Variants in ITM2A observed in about 807,000 individuals in gnomAD.
The protein encoded by ITM2A is integral membrane protein 2A.
ITM2A carries 11 observed loss-of-function variants against 16.6 expected under a neutral mutation model. That is an observed-to-expected ratio of 0.66 (90% CI 0.42 to 1.10). ITM2A has a LOEUF of 1.10. Among genes scored for constraint, ITM2A ranks in the 50% least tolerant of loss-of-function variants. The pLI is 0.00. For synonymous variants in ITM2A, 102 were observed against 71.2 expected (o/e 1.43, Z -2.18); for missense variants, 243 against 206.8 (o/e 1.17, Z -1.07).
In ITM2A at chrX:79,362,670, A is replaced by G. The variant is rs1342984787; in HGVS notation, c.463T>C (p.Leu155=). 4.2e-6 allele frequency: 5 copies of G among 1,199,019 alleles called. No homozygotes were observed. In the African/African-American group the frequency reaches 8.8e-5, roughly 21 times the overall value. Reference sequence around the variant, plus strand: ...ATCAGATAGCAGTTCCCCAGCAACAAGTCCAGGTAAGCAGTCATTCCCTGT... The same window carrying G: ...ATCAGATAGCAGTTCCCCAGCAACAGGTCCAGGTAAGCAGTCATTCCCTGT... ...FEKGMTAYLD[L]LLGNCYLMPL... is the part of the protein sequence containing the mutation. Residue 155 remains leucine (L), a synonymous_variant, in exon 4 of 6, where the codon TTG becomes CTG. Transcript: ENST00000373298.
At chrX:79,364,340 C>T (rs1194391728) in intron 1 of ITM2A, among the ~76,000 whole-genome samples, 1 of 111,929 alleles carries the variant, frequency 8.9e-6, no homozygotes, top group Admixed American at 9.5e-5. Flanking sequence ...CTGGGTGAAA[C>T]ACTTGATTTT....
At position 79,363,433 on chromosome X, in the gene ITM2A, A is replaced by T; in HGVS notation, c.233T>A (p.Phe78Tyr). 8.8e-7 allele frequency: 1 copy of T among 1,138,717 alleles called. No homozygotes were observed. Among genetic ancestry groups the T allele is most frequent in the South Asian group, 2.1e-5 (1 of 47,012 alleles). 93.8% of individuals were successfully genotyped at this position (1,138,717 alleles called of 1,213,427 possible). The change falls in exon 2 of 6, where the codon TTC (phenylalanine) becomes TAC (tyrosine). Residue 78 changes from phenylalanine (F) to tyrosine (Y), a missense_variant. By Grantham distance (22) the Phe-to-Tyr change is conservative. Transcript: ENST00000373298. ...IVGGACIYKY[F>Y]MPKSTIYRGE... ...AATTATTATTATTACCTTGGGCATGAAGTACTTGTAAATGCAGGCTCCACC... is the reference window on the plus strand; with the variant it reads ...AATTATTATTATTACCTTGGGCATGTAGTACTTGTAAATGCAGGCTCCACC...
At position 79,361,384 on chromosome X, in the gene ITM2A, GTAAA is replaced by G. The variant is rs1488798918; in HGVS notation, c.644_647del (p.Ile215ThrfsTer58). ...AGGACTTTCTGTTATTGCAAAGTTG[GTAAA>G]TAAAGATGCCAAGGTTACTAACATC... On this transcript the variant is annotated frameshift_variant, in exon 5 of 6. Transcript: ENST00000373298. LOFTEE classifies it high-confidence loss of function. The G allele has an allele frequency of 8.3e-7, 1 of 1,208,688 alleles. No individual in the cohort carries two copies. The highest frequency in any genetic ancestry group is 1.1e-6 in the Non-Finnish European group (1 of 892,768).
chrX:79,362,731 G>A, intron 3 of ITM2A, 40 bp from the exon 4 acceptor site: 2 of 967,908 alleles, frequency 2.1e-6, no homozygotes, highest in Non-Finnish European at 2.9e-6. Context: ...GACACAGAAG[G>A]CATTAACATT....
chrX:79,363,150 A>C lies in ITM2A; in HGVS notation c.244-11T>G. 8.5e-7 allele frequency: 1 copy of C among 1,171,177 alleles called. No individual in the cohort carries two copies. Among genetic ancestry groups the C allele is most frequent in the East Asian group, 3.0e-5 (1 of 33,392 alleles). ...ACGGTAAATGGTGCTCTAAAAGACAAAAAGGGAAAATTACAACCTTCTAAT... is the reference window on the plus strand; with the variant it reads ...ACGGTAAATGGTGCTCTAAAAGACACAAAGGGAAAATTACAACCTTCTAAT... On this transcript the variant is annotated splice_polypyrimidine_tract_variant and intron_variant, in intron 2 of 5. Transcript: ENST00000373298.
At position 79,363,547 on chromosome X, in the gene ITM2A, C is replaced by T. The variant is rs760428897; in HGVS notation, c.119G>A (p.Arg40Gln). ...RTQILTGKEL[R>Q]VATQEKEGSS... ...GCCCTCTTTTTCCTGGGTGGCAACT[C>T]GGAGCTCCTATTTATTAAAAAGCAA... The change falls in exon 2 of 6, where the codon CGA becomes CAA. Residue 40 changes from arginine (R) to glutamine (Q), a missense_variant. Arg to Gln is a conservative substitution (Grantham distance 43). Transcript: ENST00000373298. 88 of 1,172,895 alleles carry T rather than the reference C, an allele frequency of 7.5e-5. No homozygotes were observed. The South Asian group carries it at 1.3e-3, about 17-fold the overall frequency.
In ITM2A at chrX:79,361,108, G is replaced by T; in HGVS notation, c.773C>A (p.Thr258Asn). ...RHFPNEFIVE[T>N]KICQE ...TGCCTCTTACTCTTGACAGATCTTG[G>T]TCTCAACAATAAATTCGTTGGGGAA... Residue 258 changes from threonine (T) to asparagine (N), a missense_variant, in exon 6 of 6, where the codon ACC (threonine) becomes AAC (asparagine). Transcript: ENST00000373298. The T allele has an allele frequency of 8.4e-7, 1 of 1,192,026 alleles. No individual in the cohort carries two copies. Among genetic ancestry groups the T allele is most frequent in the Non-Finnish European group, 1.1e-6 (1 of 878,750 alleles).
Position 79,361,148 on chromosome X carries a change from A to G in ITM2A, c.733T>C (p.Trp245Arg). Residue 245 changes from tryptophan (W) to arginine (R), a missense_variant, in exon 6 of 6, where the codon TGG becomes CGG. Physicochemically the swap from Trp to Arg is moderately radical, Grantham distance 101. Coordinates refer to ENST00000373298, the MANE Select transcript of ITM2A (RefSeq NM_004867.5). Reference protein sequence around the residue: ...GFNKRAIDKCWKIRHFPNEFI... With the variant: ...GFNKRAIDKCRKIRHFPNEFI... Reference sequence around the variant, plus strand: ...TCGTTGGGGAAGTGTCTAATCTTCCAGCATTTATCAATGGCACGTTTGTTG... The same window carrying G: ...TCGTTGGGGAAGTGTCTAATCTTCCGGCATTTATCAATGGCACGTTTGTTG... 1 of 1,205,961 alleles carries G rather than the reference A, an allele frequency of 8.3e-7. No homozygotes were observed. The highest frequency in any genetic ancestry group is 1.1e-6 in the Non-Finnish European group (1 of 890,983).
chrX:79,362,555 A>G (rs751719372), intron 4 of ITM2A, 26 bp downstream of exon 4: 1 of 924,762 alleles, frequency 1.1e-6, no homozygotes, highest in Non-Finnish European at 1.5e-6. Context: ...ATGCTTATAT[A>G]AAAATTTGAC....
chrX:79,364,058 T>G, intron 1 of ITM2A, among the ~76,000 whole-genome samples: 1 of 88,721 alleles, frequency 1.1e-5, no homozygotes, highest in Non-Finnish European at 2.5e-5. Context: ...TTCTTCATTA[T>G]TTTTTCCAAA....
At chrX:79,366,885 G>A (rs1925592607) in intron 1 of ITM2A, 2 of 386,910 alleles carry the variant, frequency 5.2e-6, no homozygotes, top group African/African-American at 2.6e-5. Context: ...GTGTGAGCTG[G>A]AACAGACAGA....
intron 1 of ITM2A, among the ~76,000 whole-genome samples, chrX:79,365,365 T>C (rs762742950): frequency 1.8e-5 from 2 of 111,647 alleles, no homozygotes; most frequent in Non-Finnish European, 3.8e-5. Context: ...ATAGCTAATT[T>C]CTCTTGGAAC....
At chrX:79,366,302 A>G (rs763756966) in intron 1 of ITM2A, among the ~76,000 whole-genome samples, 2 of 111,698 alleles carry the variant, frequency 1.8e-5, no homozygotes, top group Non-Finnish European at 3.8e-5. Context: ...AGGGAAGGGG[A>G]TGTTGTTCAA....
At chrX:79,364,873 T>C (rs1362874433) in intron 1 of ITM2A, among the ~76,000 whole-genome samples, 1 of 110,947 alleles carries the variant, frequency 9.0e-6, no homozygotes, top group East Asian at 2.8e-4. Context: ...TTATTTAAGT[T>C]CAAACCCTCC....
intron 1 of ITM2A, among the ~76,000 whole-genome samples, 184 bp from the exon 2 acceptor site, chrX:79,363,738 CTG>C (rs1178038284): frequency 9.0e-6 from 1 of 111,647 alleles, no homozygotes; most frequent in Non-Finnish European, 1.9e-5. Context: ...AAAAATGTCT[CTG>C]ATTATATTAA....
Position 79,363,043 on chromosome X carries a change from C to T in ITM2A, c.340G>A (p.Glu114Lys). Residue 114 changes from glutamate to lysine, a missense_variant, in exon 3 of 6, where the codon GAG (glutamate) becomes AAG (lysine). Glu to Lys is a moderately conservative substitution (Grantham distance 56). Coordinates refer to ENST00000373298, the MANE Select transcript of ITM2A (RefSeq NM_004867.5). ...TTGTCATCCTCACGAATGTCAGCCT[C>T]CTCAGTCACAGGCAGGAAGTTAGGC... is the stretch of plus-strand genomic sequence containing the variant. ...GEPNFLPVTE[E>K]ADIREDDNIA... The T allele has an allele frequency of 8.3e-7, 1 of 1,207,081 alleles. No individual in the cohort carries two copies. The highest frequency in any genetic ancestry group is 1.1e-6 in the Non-Finnish European group (1 of 891,566).
chrX:79,367,022 C>T, intron 1 of ITM2A, 83 bp downstream of exon 1: 3 of 682,936 alleles, frequency 4.4e-6, no homozygotes, highest in Non-Finnish European at 6.6e-6. Context: ...GAGGGGCCCT[C>T]CCAGGGAAGC....
At position 79,362,569 on chromosome X, in the gene ITM2A, C is replaced by A; in HGVS notation, c.552+12G>T. The A allele has an allele frequency of 9.2e-7, 1 of 1,082,494 alleles. No homozygotes were observed. Among genetic ancestry groups the A allele is most frequent in the Non-Finnish European group, 1.3e-6 (1 of 798,117 alleles). The allele number at this position is 1,082,494 out of a possible 1,213,427, so 89.2% of individuals were successfully genotyped here. ...AATGCTTATATAAAAATTTGACTTC[C>A]AAAATACATACCGCCAGTTTGCCAA... On this transcript the variant is annotated intron_variant, in intron 4 of 5. Transcript: ENST00000373298.
At chrX:79,361,240 G>T (rs1925405440) in intron 5 of ITM2A, 63 bp from the exon 6 acceptor site, 1 of 1,122,593 alleles carries the variant, frequency 8.9e-7, no homozygotes. Flanking sequence ...AATATATCCA[G>T]ACTTGTTCCC....
Sources: allele counts gnomAD v4.1 joint callset (sites outside exome capture counted in the v4.1 genomes callset), GRCh38; gene constraint gnomAD v4.1.1; transcripts MANE v1.5; gene names NCBI Gene and HGNC (gene_info 2026-07-23, HGNC 2026-07-21).